AFP: variants seen among roughly 807,000 people sequenced by gnomAD.
The protein encoded by AFP is alpha fetoprotein, also known as alpha-fetoprotein.
A neutral mutation model predicts 78.9 loss-of-function variants in AFP; 64 were observed. The observed-to-expected ratio is 0.81, with a 90% CI of 0.66 to 1.00. The LOEUF (loss-of-function observed/expected upper bound fraction) is 1.00, where lower values mean the gene tolerates loss of function less well. AFP is among the 50% of genes least tolerant of loss of function. AFP has a pLI of 0.00. For synonymous variants in AFP, 254 were observed against 243.8 expected, an observed-to-expected ratio of 1.04 and a Z score of -0.39; for missense variants, 689 against 703.8, an observed-to-expected ratio of 0.98 and a Z score of 0.24.
chr4:73,438,310 A>G lies in AFP; in HGVS notation c.270+4A>G, dbSNP rs759381867. 1 of 1,610,236 alleles carries G rather than the reference A, an allele frequency of 6.2e-7. No individual in the cohort carries two copies. The highest frequency in any genetic ancestry group is 8.5e-7 in the Non-Finnish European group (1 of 1,177,586). ...TTCAGGGTGTTTAGAAAACCAGGTG[A>G]GTGAATAATTTTAAAAAAGCATTGT... On this transcript the variant is annotated splice_donor_region_variant and intron_variant, in intron 3 of 14. Transcript: ENST00000395792.
chr4:73,450,406 T>C, intron 10 of AFP: 1 of 705,414 alleles, frequency 1.4e-6, no homozygotes, highest in South Asian at 1.9e-5. Context: ...GTTTGCTTTT[T>C]CATTGTGATA....
intron 6 of AFP, among the ~76,000 whole-genome samples, chr4:73,443,983 A>G (rs541373624): frequency 7.2e-5 from 11 of 152,288 alleles, no homozygotes; most frequent in African/African-American, 2.6e-4. Flanking sequence ...TAAAGTACTC[A>G]TCAACTCTTT....
chr4:73,453,943 T>G, intron 13 of AFP, 46 bp downstream of exon 13: 1 of 1,611,106 alleles, frequency 6.2e-7, no homozygotes, highest in Non-Finnish European at 8.5e-7. Context: ...TATGGAATTT[T>G]CTGTAGTGGA....
chr4:73,443,001 C>T (rs1049729485), intron 5 of AFP, among the ~76,000 whole-genome samples: 10 of 151,982 alleles, frequency 6.6e-5, no homozygotes, highest in South Asian at 2.1e-4. Context: ...GTGATACAAT[C>T]GTATTTTTTG....
chr4:73,438,406 T>C, intron 3 of AFP, 100 bp downstream of exon 3: 1 of 1,322,182 alleles, frequency 7.6e-7, no homozygotes, highest in Non-Finnish European at 1.1e-6. Context: ...ATTTATATAT[T>C]TGAAGAGCTA....
chr4:73,443,725 C>G lies in AFP; in HGVS notation c.713+281C>G, dbSNP rs76061675. On this transcript the variant is annotated intron_variant, in intron 6 of 14. Transcript: ENST00000395792. ...GTTCTTTAAGACACTTAAGTTCTGG[C>G]CTGCCATCAAATTATACCTCATCAC... Among the ~76,000 whole-genome samples, 359 of 152,204 alleles carry G rather than the reference C, an allele frequency of 2.4e-3. 1 individual carries two copies. The highest frequency in any genetic ancestry group is 8.5e-3 in the African/African-American group (353 of 41,552).
rs771672111 is a variant in AFP, at chr4:73,455,266, G to T, written c.1816G>T (p.Ala606Ser). 6.8e-6 allele frequency: 11 copies of T among 1,612,398 alleles called. No individual in the cohort carries two copies. The African/African-American group carries it at 1.3e-4, about 20-fold the overall frequency. Residue 606 changes from alanine to serine, a missense_variant, in exon 14 of 15, where the codon GCT becomes TCT. Transcript: ENST00000395792. ...GQKLISKTRAALGV is the reference protein window; with the variant it reads ...GQKLISKTRASLGV ...AAAACTGATTTCAAAAACTCGTGCT[G>T]CTTTGGGAGTTTAAATTACTTCAGG...
Position 73,452,562 on chromosome 4 carries a change from G to T in AFP, c.1590G>T (p.Lys530Asn). 2 of 1,614,078 alleles carry T rather than the reference G, an allele frequency of 1.2e-6. No individual in the cohort carries two copies. Among genetic ancestry groups the T allele is most frequent in the African/African-American group, 1.3e-5 (1 of 75,032 alleles). Residue 530 changes from lysine to asparagine, a missense_variant, in exon 12 of 15, where the codon AAG becomes AAT. Physicochemically the swap from Lys to Asn is moderately conservative, Grantham distance 94. Transcript: ENST00000395792. The part of the protein sequence containing the change: ...TYVPPAFSDD[K>N]FIFHKDLCQA... ...TCCCTCCTGCATTCTCTGATGACAA[G>T]TTCATTTTCCATAAGGATCTGTGCC...
In AFP at chr4:73,437,213, T is replaced by C. The variant is rs1451281238; in HGVS notation, c.137+2T>C. 6.2e-7 allele frequency: 1 copy of C among 1,605,418 alleles called. No homozygotes were observed. The highest frequency in any genetic ancestry group is 2.2e-5 in the East Asian group (1 of 44,714). On this transcript the variant is annotated splice_donor_variant, in intron 2 of 14. Transcript: ENST00000395792. LOFTEE classifies it high-confidence loss of function. The stretch of plus-strand genomic sequence containing the variant: ...TGCAGAGATAAGTTTAGCTGACCTG[T>C]AAGTTTTGCTTATATAAATGTACTT...
chr4:73,442,364 G>T lies in AFP; in HGVS notation c.551G>T (p.Arg184Leu). 6.2e-7 allele frequency: 1 copy of T among 1,613,952 alleles called. No individual in the cohort carries two copies. ...CCTACAATTCTTCTTTGGGCTGCTCGCTATGACAAAATAATTCCATCTTGC... is the reference window on the plus strand; with the variant it reads ...CCTACAATTCTTCTTTGGGCTGCTCTCTATGACAAAATAATTCCATCTTGC... The part of the protein sequence containing the change: ...YAPTILLWAA[R>L]YDKIIPSCCK... The change falls in exon 5 of 15, where the codon CGC becomes CTC. Residue 184 changes from arginine (R) to leucine (L), a missense_variant. Physicochemically the swap from Arg to Leu is moderately radical, Grantham distance 102. Coordinates refer to ENST00000395792, the MANE Select transcript of AFP (RefSeq NM_001134.3).
chr4:73,442,470 A>G, intron 5 of AFP, 42 bp downstream of exon 5: 1 of 1,609,316 alleles, frequency 6.2e-7, no homozygotes, highest in Non-Finnish European at 8.5e-7. Flanking sequence ...ACTGTAGTCT[A>G]TGACTCATTA....
chr4:73,448,328 TATGGACACTATTAG>T (rs889358744), intron 8 of AFP, among the ~76,000 whole-genome samples: 13 of 152,136 alleles, frequency 8.5e-5, no homozygotes, highest in African/African-American at 3.1e-4. Context: ...AGTATGTAAC[TATGGACACTATTAG>T]AGGAGGGATT....
At chr4:73,447,148 C>A (rs999588742) in intron 7 of AFP, among the ~76,000 whole-genome samples, 5 of 151,968 alleles carry the variant, frequency 3.3e-5, no homozygotes, top group East Asian at 1.9e-4. Context: ...CTGATTCTAA[C>A]GTAGTAATAA....
intron 12 of AFP, chr4:73,453,391 G>A (rs1283764385): frequency 3.8e-6 from 1 of 262,240 alleles, no homozygotes; most frequent in East Asian, 9.3e-5. Context: ...CCCAGATAAG[G>A]GGTGTGATAA....
At chr4:73,436,875 A>G (rs935840738) in intron 1 of AFP, among the ~76,000 whole-genome samples, 3 of 151,958 alleles carry the variant, frequency 2.0e-5, no homozygotes, top group Middle Eastern at 3.2e-3. Flanking sequence ...TTTGACTTTC[A>G]GGACAGTTAC....
intron 8 of AFP, among the ~76,000 whole-genome samples, chr4:73,448,132 T>G (rs1388300607): frequency 6.6e-6 from 1 of 152,114 alleles, no homozygotes; most frequent in Non-Finnish European, 1.5e-5. Flanking sequence ...TAGAAGAACT[T>G]TTATAGGAAC....
At chr4:73,449,051 T>A (rs906233975) in intron 8 of AFP, among the ~76,000 whole-genome samples, 1 of 152,132 alleles carries the variant, frequency 6.6e-6, no homozygotes, top group Non-Finnish European at 1.5e-5. Flanking sequence ...GAGTGGACAC[T>A]GGAAAAATAT....
At chr4:73,436,671 T>C (rs1719514899) in intron 1 of AFP, among the ~76,000 whole-genome samples, 1 of 151,696 alleles carries the variant, frequency 6.6e-6, no homozygotes, top group Non-Finnish European at 1.5e-5. Flanking sequence ...TAAAATTTTA[T>C]ATGTGAAGAA....
Position 73,454,274 on chromosome 4 carries a change from G to A in AFP, c.1785+377G>A, listed in dbSNP as rs180737916. 1.5e-3 allele frequency among the ~76,000 whole-genome samples: 235 copies of A among 152,088 alleles called. 1 individual carries two copies. The highest frequency in any genetic ancestry group is 5.0e-3 in the African/African-American group (208 of 41,548). On this transcript the variant is annotated intron_variant, in intron 13 of 14. Transcript: ENST00000395792. The stretch of plus-strand genomic sequence containing the variant: ...TAATTGTGCAAACAGAGTATTAGGA[G>A]TCTATTTGTAGAAAATGTTTTTGAA...
Sources: gnomAD v4.1 joint callset for allele counts (sites outside exome capture counted in the v4.1 genomes callset) on GRCh38, gnomAD v4.1.1 for gene constraint, MANE v1.5 for transcripts, NCBI Gene and HGNC (gene_info 2026-07-23, HGNC 2026-07-21) for gene names.